ASIC2: variants seen among roughly 807,000 people sequenced by gnomAD.
The protein encoded by ASIC2 is acid-sensing ion channel 2.
Under a neutral mutation model 57.3 loss-of-function variants are expected in ASIC2, and 25 were observed. The ratio of observed to expected loss-of-function variants is 0.44; its 90% CI spans 0.32 to 0.61. The LOEUF is 0.61. Ranked by LOEUF, ASIC2 falls within the 20% of genes least tolerant of loss-of-function variation. The probability of loss-of-function intolerance (pLI) is 0.06; values close to 1 mark genes in which losing one functional copy is unlikely to be tolerated. For synonymous variants in ASIC2, 319 were observed against 307.5 expected (o/e 1.04, Z -0.39); for missense variants, 641 against 738.1 (o/e 0.87, Z 1.52).
At position 33,567,224 on chromosome 17, in the gene ASIC2, G is replaced by A. The variant is rs143205944; in HGVS notation, c.556-455157C>T. Among the ~76,000 whole-genome samples the A allele has an allele frequency of 1.3e-4, 20 of 152,200 alleles. No homozygotes were observed. The East Asian group carries it at 3.9e-3, about 29-fold the overall frequency. On this transcript the variant is annotated intron_variant, in intron 1 of 9. Coordinates refer to the ASIC2 transcript ENST00000359872. ...TGAGATCTGAAAGCGGTGAGAGAGT[G>A]GCCTTATGAAGGTCTGAGAGAAGAC...
At position 33,421,811 on chromosome 17, in the gene ASIC2, G is replaced by A. The variant is rs148710603; in HGVS notation, c.556-309744C>T. The stretch of plus-strand genomic sequence containing the variant: ...CCATTGCCTTCAGTGCAAGGTCCAG[G>A]TTCCTTTGCACGGTCATAGAGCTCT... On this transcript the variant is annotated intron_variant, in intron 1 of 9. Transcript: ENST00000359872. Among the ~76,000 whole-genome samples, 4 of 152,274 alleles carry A rather than the reference G, an allele frequency of 2.6e-5. No individual in the cohort carries two copies. The East Asian group carries it at 7.7e-4, about 29-fold the overall frequency.
intron 1 of ASIC2, among the ~76,000 whole-genome samples, chr17:33,766,963 C>T (rs762830155): frequency 6.6e-6 from 1 of 152,184 alleles, no homozygotes; most frequent in South Asian, 2.1e-4. Context: ...GGCAGCCCAG[C>T]CGGCTTTGCT....
intron 1 of ASIC2, among the ~76,000 whole-genome samples, chr17:33,469,953 TG>T (rs1912989660): frequency 6.6e-6 from 1 of 152,000 alleles, no homozygotes; most frequent in Admixed American, 6.5e-5. Context: ...GCTTGGACTT[TG>T]GGGGTCAGCG....
intron 1 of ASIC2, among the ~76,000 whole-genome samples, chr17:34,106,155 TTTCC>T (rs1386260172): frequency 6.6e-6 from 1 of 152,180 alleles, no homozygotes; most frequent in African/African-American, 2.4e-5. Flanking sequence ...TTGTCTAATG[TTTCC>T]TTGTGATTAG....
chr17:33,486,740 T>C (rs2141930995), intron 1 of ASIC2, among the ~76,000 whole-genome samples: 1 of 152,342 alleles, frequency 6.6e-6, no homozygotes, highest in South Asian at 2.1e-4. Flanking sequence ...ACTGACTTCT[T>C]AGTGCCTTGA....
rs575835533 is a variant in ASIC2, at chr17:33,596,504, C to T, written c.556-484437G>A. Among the ~76,000 whole-genome samples, 14 of 152,162 alleles carry T rather than the reference C, an allele frequency of 9.2e-5. No homozygotes were observed. In the South Asian group the frequency reaches 1.7e-3, roughly 18 times the overall value. Reference sequence around the variant, plus strand: ...GTTATTTGCTCTCTGTGTTTTTGTGCCTCACTCCCTGCACTTTTTCTACCT... The same window carrying T: ...GTTATTTGCTCTCTGTGTTTTTGTGTCTCACTCCCTGCACTTTTTCTACCT... On this transcript the variant is annotated intron_variant, in intron 1 of 9. Coordinates refer to the ASIC2 transcript ENST00000359872.
At chr17:33,554,969 G>A (rs536844964) in intron 1 of ASIC2, among the ~76,000 whole-genome samples, 3 of 152,208 alleles carry the variant, frequency 2.0e-5, no homozygotes, top group Non-Finnish European at 1.5e-5. Context: ...TTTTATCCCA[G>A]TACTCTCAAT....
At chr17:33,127,343 C>T (rs1232432693) in intron 1 of ASIC2, among the ~76,000 whole-genome samples, 1 of 152,110 alleles carries the variant, frequency 6.6e-6, no homozygotes, top group Non-Finnish European at 1.5e-5. Context: ...TGGGGGACAG[C>T]AAGAAAAAAT....
At position 33,709,182 on chromosome 17, in the gene ASIC2, C is replaced by A. The variant is rs573113944; in HGVS notation, c.555+446796G>T. On this transcript the variant is annotated intron_variant, in intron 1 of 9. Transcript: ENST00000359872. ...GCCGTAATCTTTCCAGCATCTATTT[C>A]AACTGCCTGTTTCCCTCATTTCCAG... Among the ~76,000 whole-genome samples the A allele has an allele frequency of 1.2e-4, 18 of 152,322 alleles. No homozygotes were observed. In the South Asian group the frequency reaches 3.1e-3, roughly 26 times the overall value.
intron 1 of ASIC2, among the ~76,000 whole-genome samples, chr17:33,914,113 C>T (rs1414000477): frequency 2.0e-5 from 3 of 152,188 alleles, no homozygotes; most frequent in Non-Finnish European, 4.4e-5. Flanking sequence ...TGATGCACAA[C>T]TGAGCTGGCC....
At chr17:33,031,371 C>T (rs529655172) in intron 3 of ASIC2, among the ~76,000 whole-genome samples, 1 of 152,060 alleles carries the variant, frequency 6.6e-6, no homozygotes, top group Admixed American at 6.5e-5. Flanking sequence ...CTTTTCATGT[C>T]TGATTACTGG....
intron 1 of ASIC2, among the ~76,000 whole-genome samples, chr17:33,998,988 G>C (rs1906248057): frequency 6.6e-6 from 1 of 151,952 alleles, no homozygotes; most frequent in Non-Finnish European, 1.5e-5. Context: ...TAATGTTGTT[G>C]TCTGTTTTAC....
chr17:33,299,872 A>G (rs1459274208), intron 1 of ASIC2, among the ~76,000 whole-genome samples: 2 of 152,190 alleles, frequency 1.3e-5, no homozygotes, highest in South Asian at 2.1e-4. Context: ...GGTATAAAAT[A>G]TAATTTAACC....
chr17:34,004,881 T>C (rs1013321451), intron 1 of ASIC2: 3 of 140,548 alleles, frequency 2.1e-5, no homozygotes, highest in African/African-American at 7.7e-5. Flanking sequence ...GAGGGGTGGG[T>C]GGGGGTAGGG....
At chr17:34,030,237 G>A (rs1907541033) in intron 1 of ASIC2, among the ~76,000 whole-genome samples, 1 of 152,166 alleles carries the variant, frequency 6.6e-6, no homozygotes, top group African/African-American at 2.4e-5. Context: ...CTTCTGCCCT[G>A]CTCCTCACAG....
At chr17:33,299,358 A>G (rs1905855571) in intron 1 of ASIC2, among the ~76,000 whole-genome samples, 1 of 152,206 alleles carries the variant, frequency 6.6e-6, no homozygotes, top group Non-Finnish European at 1.5e-5. Flanking sequence ...TCCAGGAGTC[A>G]TGATGGGGAC....
In ASIC2 at chr17:33,292,838, C is replaced by CAAGTCCTGCGCCT. The variant is rs1225735001; in HGVS notation, c.-736_-724dup. The CAAGTCCTGCGCCT allele has an allele frequency of 4.1e-6, 4 of 985,474 alleles. No individual in the cohort carries two copies. The highest frequency in any genetic ancestry group is 1.1e-4 in the East Asian group (1 of 8,804). 61.0% of individuals were successfully genotyped at this position (985,474 alleles called of 1,614,324 possible). ...CGGCAGAGACCTGCTTAGGCTTCCCCAAGTCCTGCGCCTAAGTCCTGCCAG... is the reference window on the plus strand; with the variant it reads ...CGGCAGAGACCTGCTTAGGCTTCCCCAAGTCCTGCGCCTAAGTCCTGCGCCTAAGTCCTGCCAG... On this transcript the variant is annotated 5_prime_UTR_variant, in exon 1 of 10. Coordinates refer to ENST00000225823, the MANE Select transcript of ASIC2 (RefSeq NM_183377.2).
rs114697167 is a variant in ASIC2 at position 33,231,379 on chromosome 17, C to T, written c.708+60029G>A. ...AGTCTGGTCTGGGGAAGGGGGAATG[C>T]TCATGGGCATGGCTCAAGGACTGCT... On this transcript the variant is annotated intron_variant, in intron 1 of 9. Transcript: ENST00000225823. Among the ~76,000 whole-genome samples the T allele has an allele frequency of 9.1e-3, 1,391 of 152,252 alleles. 27 individuals are homozygous for T. The highest frequency in any genetic ancestry group is 0.031 in the African/African-American group (1,292 of 41,544).
chr17:33,357,906 C>T (rs1897689189), intron 1 of ASIC2, among the ~76,000 whole-genome samples: 1 of 152,184 alleles, frequency 6.6e-6, no homozygotes, highest in Admixed American at 6.5e-5. Flanking sequence ...GCATCAGAGT[C>T]ACTTGCTTTC....
Sources: allele counts gnomAD v4.1 joint callset (sites outside exome capture counted in the v4.1 genomes callset), GRCh38; gene constraint gnomAD v4.1.1; transcripts MANE v1.5; gene names NCBI Gene and HGNC (gene_info 2026-07-23, HGNC 2026-07-21).